DGKG: variants seen among roughly 807,000 people sequenced by gnomAD.
The protein encoded by DGKG is DAG kinase gamma.
DGKG carries 78 observed loss-of-function variants against 105.3 expected under a neutral mutation model. The ratio of observed to expected loss-of-function variants is 0.74; its 90% confidence interval spans 0.62 to 0.89. The LOEUF (loss-of-function observed/expected upper bound fraction) is 0.89. Ranked by LOEUF, DGKG falls within the 40% of genes least tolerant of loss-of-function variation. DGKG has a pLI of 0.00. For missense variants in DGKG, 958 were observed against 1,020.1 expected (o/e 0.94, Z 0.83); for synonymous variants, 346 against 367.1 (o/e 0.94, Z 0.66).
At chr3:186,296,622 A>G (rs1560139599) in intron 5 of DGKG, among the ~76,000 whole-genome samples, 2 of 152,232 alleles carry the variant, frequency 1.3e-5, no homozygotes, top group African/African-American at 4.8e-5. Flanking sequence ...AGCTCCGCTG[A>G]GAGTGCAGCC....
At position 186,276,828 on chromosome 3, in the gene DGKG, C is replaced by T. The variant is rs191699012; in HGVS notation, c.793-1164G>A. ...AAAGCTACGGTAAGGTGATGAGGAT[C>T]GATGGTCATGGATGTAGTGTCCAAT... On this transcript the variant is annotated intron_variant, in intron 9 of 24. Coordinates refer to ENST00000265022, the MANE Select transcript of DGKG (RefSeq NM_001346.3). 5.3e-5 allele frequency among the ~76,000 whole-genome samples: 8 copies of T among 152,300 alleles called. No individual in the cohort carries two copies. The East Asian group carries it at 1.5e-3, about 29-fold the overall frequency.
At position 186,260,493 on chromosome 3, in the gene DGKG, T is replaced by C; in HGVS notation, c.1370A>G (p.Tyr457Cys). 1.2e-6 allele frequency: 2 copies of C among 1,612,818 alleles called. No individual in the cohort carries two copies. Among genetic ancestry groups the C allele is most frequent in the Non-Finnish European group, 1.7e-6 (2 of 1,179,140 alleles). ...QGERILRKFH[Y>C]LLNPKQVFNL... is the part of the protein sequence containing the mutation. ...GAAAACTTGTTTGGGGTTGAGCAGA[T>C]AGTGGAATTTCCGAAGAATTCTATG... is the stretch of plus-strand genomic sequence containing the variant. Residue 457 changes from tyrosine (Y) to cysteine (C), a missense_variant, in exon 16 of 25, where the codon TAT becomes TGT. By Grantham distance (194) the Tyr-to-Cys change is radical. Around this residue, in one of 2 missense-constraint regions of DGKG, gnomAD observed 643 missense variants for 619.5 expected, o/e 1.04. Transcript: ENST00000265022.
chr3:186,225,680 T>C (rs1387502707), intron 20 of DGKG, among the ~76,000 whole-genome samples: 2 of 152,100 alleles, frequency 1.3e-5, no homozygotes, highest in Non-Finnish European at 2.9e-5. Context: ...AGGCTAGAGT[T>C]CTCACCACTC....
chr3:186,230,486 C>T (rs1303950753), intron 20 of DGKG, among the ~76,000 whole-genome samples: 2 of 151,934 alleles, frequency 1.3e-5, no homozygotes, highest in Non-Finnish European at 2.9e-5. Flanking sequence ...AGTAACAGAG[C>T]AAGCAAGCAA....
At chr3:186,179,258 T>A (rs1319250251) in intron 22 of DGKG, among the ~76,000 whole-genome samples, 3 of 152,234 alleles carry the variant, frequency 2.0e-5, no homozygotes, top group African/African-American at 7.2e-5. Context: ...TTCATTTAAA[T>A]ATTGCCTATG....
chr3:186,268,812 A>AAC lies in DGKG; in HGVS notation c.1104_1105insGT (p.Cys369ValfsTer4), dbSNP rs756547238. ...GGGCGCCAACCCACCGTCATCCGGCACCACACGCAGTGCCGCGCGGTGACA... is the reference window on the plus strand; with the variant it reads ...GGGCGCCAACCCACCGTCATCCGGCAACCCACACGCAGTGCCGCGCGGTGACA... On this transcript the variant is annotated frameshift_variant, in exon 12 of 25. Coordinates refer to ENST00000265022, the MANE Select transcript of DGKG (RefSeq NM_001346.3). LOFTEE classifies it high-confidence loss of function. 49 of 1,612,650 alleles carry AAC rather than the reference A, an allele frequency of 3.0e-5. No homozygotes were observed. The highest frequency in any genetic ancestry group is 4.0e-5 in the Non-Finnish European group (47 of 1,179,128).
Position 186,148,268 on chromosome 3 carries a change from G to A in DGKG, c.*1822C>T, listed in dbSNP as rs990318250. On this transcript the variant is annotated 3_prime_UTR_variant, in exon 25 of 25. Transcript: ENST00000265022. ...TGGCTGGCAGTATCTTGCAGAAGAC[G>A]CCTCAGTCCTTCTTGTGACTCTCCA... The A allele has an allele frequency of 1.4e-5, 14 of 985,420 alleles. No homozygotes were observed. Among genetic ancestry groups the A allele is most frequent in the Non-Finnish European group, 1.6e-5 (13 of 829,948 alleles). 61.0% of individuals were successfully genotyped at this position (985,420 alleles called of 1,614,324 possible).
chr3:186,296,628 C>A (rs1201222575), intron 5 of DGKG, among the ~76,000 whole-genome samples: 2 of 152,248 alleles, frequency 1.3e-5, no homozygotes, highest in Non-Finnish European at 2.9e-5. Context: ...GCTGAGAGTG[C>A]AGCCTTGCTC....
At chr3:186,314,685 C>T (rs1176873312) in intron 2 of DGKG, among the ~76,000 whole-genome samples, 3 of 139,896 alleles carry the variant, frequency 2.1e-5, no homozygotes, top group Non-Finnish European at 4.5e-5. Context: ...ACCCGGGAGG[C>T]GGAGGTTGTG....
chr3:186,319,453 G>A (rs1268787418), intron 2 of DGKG, among the ~76,000 whole-genome samples: 1 of 152,192 alleles, frequency 6.6e-6, no homozygotes, highest in African/African-American at 2.4e-5. Flanking sequence ...TGTGAGAAGG[G>A]GGACCTGTGC....
chr3:186,227,953 A>G (rs1433330617), intron 20 of DGKG, among the ~76,000 whole-genome samples: 4 of 152,164 alleles, frequency 2.6e-5, no homozygotes, highest in Non-Finnish European at 4.4e-5. Flanking sequence ...CAATTTTCTG[A>G]AGTTTTAATT....
At chr3:186,235,477 G>C (rs1201154689) in intron 20 of DGKG, among the ~76,000 whole-genome samples, 1 of 152,188 alleles carries the variant, frequency 6.6e-6, no homozygotes, top group African/African-American at 2.4e-5. Flanking sequence ...TTTTAACTTT[G>C]CTATATTTGC....
intron 22 of DGKG, 114 bp from the exon 23 acceptor site, chr3:186,165,132 C>A: frequency 8.9e-7 from 1 of 1,129,680 alleles, no homozygotes; most frequent in Non-Finnish European, 1.2e-6. Context: ...TCATCTCCCA[C>A]CAAACACCTT....
At chr3:186,214,990 C>T (rs1284606043) in intron 20 of DGKG, among the ~76,000 whole-genome samples, 1 of 152,070 alleles carries the variant, frequency 6.6e-6, no homozygotes, top group Non-Finnish European at 1.5e-5. Context: ...ATGGGACAGG[C>T]AAGAGAGAGA....
chr3:186,265,408 A>G (rs1204033068), intron 13 of DGKG, 102 bp from the exon 14 acceptor site: 1 of 1,073,860 alleles, frequency 9.3e-7, no homozygotes, highest in Non-Finnish European at 1.4e-6. Flanking sequence ...GAAAGAGATC[A>G]GAAAGCTAGT....
In DGKG at chr3:186,324,076, C is replaced by T. The variant is rs189384746; in HGVS notation, c.-248-3369G>A. ...TGAGCCAAGATCACACCACTGCACTCCAGCCTGGCGACAGAGTGAGAGTCT... is the reference window on the plus strand; with the variant it reads ...TGAGCCAAGATCACACCACTGCACTTCAGCCTGGCGACAGAGTGAGAGTCT... On this transcript the variant is annotated intron_variant, in intron 1 of 24. Transcript: ENST00000265022. Among the ~76,000 whole-genome samples, 479 of 148,062 alleles carry T rather than the reference C, an allele frequency of 3.2e-3. 2 individuals are homozygous for T. Among genetic ancestry groups the T allele is most frequent in the African/African-American group, 0.012 (459 of 39,122 alleles).
rs972879175 is a variant in DGKG at position 186,183,691 on chromosome 3, T to C, written c.2095+4511A>G. ...GGCAGGAGCTCTAGTCTTTCTTTTTTTTTCTTTCTTTCTTTCTTTTTTTTT... is the reference window on the plus strand; with the variant it reads ...GGCAGGAGCTCTAGTCTTTCTTTTTCTTTCTTTCTTTCTTTCTTTTTTTTT... On this transcript the variant is annotated intron_variant, in intron 22 of 24. Coordinates refer to ENST00000265022, the MANE Select transcript of DGKG (RefSeq NM_001346.3). 1.8e-4 allele frequency among the ~76,000 whole-genome samples: 27 copies of C among 151,796 alleles called. No individual in the cohort carries two copies. The East Asian group carries it at 1.9e-3, about 11-fold the overall frequency.
chr3:186,205,219 T>G (rs1045193056), intron 21 of DGKG, among the ~76,000 whole-genome samples: 3 of 142,444 alleles, frequency 2.1e-5, no homozygotes, highest in Admixed American at 7.4e-5. Context: ...ATTGTGCCAT[T>G]GCACTCCAGC....
chr3:186,299,019 C>T (rs1052066441), intron 3 of DGKG, among the ~76,000 whole-genome samples: 2 of 152,208 alleles, frequency 1.3e-5, no homozygotes, highest in Non-Finnish European at 2.9e-5. Flanking sequence ...TCTCCCAGTA[C>T]CGCCTGGCTT....
Sources: allele counts gnomAD v4.1 joint callset (sites outside exome capture counted in the v4.1 genomes callset), GRCh38; gene constraint gnomAD v4.1.1; regional missense constraint gnomAD v4.1.1; transcripts MANE v1.5; gene names NCBI Gene and HGNC (gene_info 2026-07-23, HGNC 2026-07-21).